SLC9C1: variants seen among roughly 807,000 people sequenced by gnomAD.
SLC9C1 encodes solute carrier family 9 member C1.
SLC9C1 carries 97 observed loss-of-function variants against 140.9 expected under a neutral mutation model. The observed-to-expected ratio is 0.69, with a 90% CI of 0.58 to 0.82. The LOEUF is 0.82. Ranked by LOEUF, SLC9C1 falls within the 40% of genes least tolerant of loss-of-function variation. The pLI is 0.00. For synonymous variants in SLC9C1, 440 were observed against 442.6 expected, an observed-to-expected ratio of 0.99 and a Z score of 0.07; for missense variants, 1,340 against 1,389.3, an observed-to-expected ratio of 0.96 and a Z score of 0.56.
At chr3:112,233,117 G>A (rs983296281) in intron 12 of SLC9C1, among the ~76,000 whole-genome samples, 5 of 149,266 alleles carry the variant, frequency 3.3e-5, no homozygotes, top group African/African-American at 1.2e-4. Flanking sequence ...TGCCCAGGCT[G>A]GAGTGCAGTG....
intron 10 of SLC9C1, among the ~76,000 whole-genome samples, chr3:112,250,914 T>C (rs1300860796): frequency 6.6e-6 from 1 of 152,160 alleles, no homozygotes; most frequent in East Asian, 1.9e-4. Context: ...ATATAAATTG[T>C]TCTACCATAA....
chr3:112,200,592 C>T (rs769038277), intron 19 of SLC9C1, 119 bp downstream of exon 19: 10 of 818,000 alleles, frequency 1.2e-5, no homozygotes, highest in African/African-American at 3.5e-5. Flanking sequence ...AGGTTACTCA[C>T]TTCAGTATTG....
At chr3:112,229,148 T>C (rs750576781) in intron 13 of SLC9C1, among the ~76,000 whole-genome samples, 2 of 152,046 alleles carry the variant, frequency 1.3e-5, no homozygotes, top group Non-Finnish European at 2.9e-5. Flanking sequence ...TAGAGTAGAA[T>C]AGTGGCTCCA....
intron 1 of SLC9C1, among the ~76,000 whole-genome samples, chr3:112,287,237 A>T (rs897651816): frequency 6.6e-6 from 1 of 152,256 alleles, no homozygotes; most frequent in East Asian, 1.9e-4. Context: ...TGGAAGGACA[A>T]CAAAGGGTTT....
intron 2 of SLC9C1, among the ~76,000 whole-genome samples, chr3:112,283,489 A>AG (rs1266797301): frequency 8.8e-6 from 1 of 113,158 alleles, no homozygotes; most frequent in Non-Finnish European, 1.9e-5. Context: ...AAAAAAAAAA[A>AG]AAAAAAGAAT....
chr3:112,270,194 A>G (rs2080033460), intron 6 of SLC9C1, 117 bp from the exon 7 acceptor site: 1 of 1,038,648 alleles, frequency 9.6e-7, no homozygotes, highest in East Asian at 2.7e-5. Context: ...AACTGCCACA[A>G]TGAACATGAG....
intron 20 of SLC9C1, among the ~76,000 whole-genome samples, chr3:112,194,470 C>T (rs1175643198): frequency 1.3e-5 from 2 of 152,126 alleles, no homozygotes; most frequent in Non-Finnish European, 2.9e-5. Context: ...TGCCTTGGTC[C>T]TTTCTTTTCA....
chr3:112,208,274 G>A lies in SLC9C1; in HGVS notation c.1890C>T (p.Ile630=). 1 of 1,610,494 alleles carries A rather than the reference G, an allele frequency of 6.2e-7. No individual in the cohort carries two copies. Among genetic ancestry groups the A allele is most frequent in the Non-Finnish European group, 8.5e-7 (1 of 1,177,610 alleles). The change falls in exon 16 of 29, where the codon ATC becomes ATT. Residue 630 remains isoleucine, a synonymous_variant. Coordinates refer to ENST00000305815, the MANE Select transcript of SLC9C1 (RefSeq NM_183061.3). ...VILMNIFPFI[I]SWISQLNVIY... is the part of the protein sequence containing the mutation. ...TTACATTTAACTGGGATATCCAAGAGATTATAAAGGGAAATATATTCATTA... is the reference window on the plus strand; with the variant it reads ...TTACATTTAACTGGGATATCCAAGAAATTATAAAGGGAAATATATTCATTA...
At chr3:112,274,851 A>G in intron 6 of SLC9C1, 46 bp downstream of exon 6, 2 of 1,419,186 alleles carry the variant, frequency 1.4e-6, no homozygotes, top group Non-Finnish European at 1.9e-6. Flanking sequence ...CTTTCAGAAA[A>G]TACAGGATTC....
intron 25 of SLC9C1, among the ~76,000 whole-genome samples, chr3:112,168,040 T>C (rs148670022): frequency 6.6e-6 from 1 of 152,298 alleles, no homozygotes; most frequent in African/African-American, 2.4e-5. Context: ...CCCATTACAC[T>C]TTTTTCTTAT....
At chr3:112,254,584 G>A (rs576354544) in intron 10 of SLC9C1, among the ~76,000 whole-genome samples, 12 of 151,888 alleles carry the variant, frequency 7.9e-5, no homozygotes, top group African/African-American at 2.2e-4. Flanking sequence ...CAAGAGATCT[G>A]GAAAAAAGCA....
At chr3:112,162,071 T>G (rs1451113137) in intron 26 of SLC9C1, among the ~76,000 whole-genome samples, 1 of 152,194 alleles carries the variant, frequency 6.6e-6, no homozygotes, top group Non-Finnish European at 1.5e-5. Flanking sequence ...GCTCTCTGTT[T>G]GTCTGTTGTT....
At chr3:112,288,573 A>C (rs74510496) in intron 1 of SLC9C1, among the ~76,000 whole-genome samples, 1,658 of 152,310 alleles carry the variant, frequency 0.011, 31 homozygotes, top group African/African-American at 0.037. Flanking sequence ...GCTGGGCAAC[A>C]TAGCAAGCCT....
chr3:112,247,397 T>G (rs2079317298), intron 10 of SLC9C1, among the ~76,000 whole-genome samples: 1 of 152,204 alleles, frequency 6.6e-6, no homozygotes, highest in South Asian at 2.1e-4. Flanking sequence ...ACTATTTTAT[T>G]TGATCTTTCA....
chr3:112,226,931 C>T (rs1014404578), intron 13 of SLC9C1, among the ~76,000 whole-genome samples: 3 of 151,232 alleles, frequency 2.0e-5, no homozygotes, highest in Non-Finnish European at 1.5e-5. Flanking sequence ...ATTAACAAAC[C>T]ATTAGACTAA....
At chr3:112,231,229 G>T in intron 13 of SLC9C1, 132 bp downstream of exon 13, 1 of 972,822 alleles carries the variant, frequency 1.0e-6, no homozygotes, top group South Asian at 1.7e-5. Context: ...AGATTCCTAA[G>T]ACAATGTCAA....
At chr3:112,244,960 T>A (rs528785099) in intron 10 of SLC9C1, among the ~76,000 whole-genome samples, 2 of 152,226 alleles carry the variant, frequency 1.3e-5, no homozygotes, top group East Asian at 3.8e-4. Context: ...TGTACATACA[T>A]TGAAATGTAC....
chr3:112,154,529 G>A (rs192531701), intron 27 of SLC9C1, among the ~76,000 whole-genome samples: 58 of 152,214 alleles, frequency 3.8e-4, no homozygotes, highest in African/African-American at 9.4e-4. Context: ...TAGGTTAGCC[G>A]GGATATATTT....
rs913688973 is a variant in SLC9C1 at position 112,204,368 on chromosome 3, G to A, written c.2022C>T (p.Ala674=). The change falls in exon 17 of 29, where the codon GCC becomes GCT. Residue 674 remains alanine (A), a synonymous_variant. Coordinates refer to ENST00000305815, the MANE Select transcript of SLC9C1 (RefSeq NM_183061.3). ...AAMRKDFFSH[A]WNIFELAITL... ...TAATTGCTAACTCGAATATGTTCCAGGCATGTGAAAAAAAGTCCTTCCTCA... is the reference window on the plus strand; with the variant it reads ...TAATTGCTAACTCGAATATGTTCCAAGCATGTGAAAAAAAGTCCTTCCTCA... 1.9e-6 allele frequency: 3 copies of A among 1,569,890 alleles called. No individual in the cohort carries two copies. Among genetic ancestry groups the A allele is most frequent in the Non-Finnish European group, 2.6e-6 (3 of 1,165,284 alleles).
Sources: gnomAD v4.1 joint callset for allele counts (sites outside exome capture counted in the v4.1 genomes callset) on GRCh38, gnomAD v4.1.1 for gene constraint, MANE v1.5 for transcripts, NCBI Gene and HGNC (gene_info 2026-07-23, HGNC 2026-07-21) for gene names.